ERICH6B: variants seen among roughly 807,000 people sequenced by gnomAD.
The protein encoded by ERICH6B is glutamate rich 6B.
In ERICH6B, 69 loss-of-function variants were observed where a neutral mutation model predicts 80.0. The ratio of observed to expected loss-of-function variants is 0.86; its 90% confidence interval spans 0.71 to 1.05. ERICH6B has a LOEUF of 1.05. ERICH6B is among the 50% of genes least tolerant of loss of function. The pLI is 0.00. For missense variants in ERICH6B, 754 were observed against 796.1 expected, an observed-to-expected ratio of 0.95 and a Z score of 0.64; for synonymous variants, 283 against 291.9, an observed-to-expected ratio of 0.97 and a Z score of 0.31.
At chr13:45,557,340 A>G (rs1440245771) in intron 11 of ERICH6B, among the ~76,000 whole-genome samples, 1 of 151,942 alleles carries the variant, frequency 6.6e-6, no homozygotes. Flanking sequence ...GTCCTTTGTC[A>G]GATGTATAGA....
rs1949922279 is a variant in ERICH6B, at chr13:45,615,375, C to T, written c.-111+310G>A. On this transcript the variant is annotated intron_variant, in intron 1 of 14. Coordinates refer to ENST00000298738, the MANE Select transcript of ERICH6B (RefSeq NM_182542.3). ...TCGCACTTCCCCCCAGAGCTAGGGG[C>T]TCTCTGGAGAGAAAGTGACCCCTTA... 2.0e-5 allele frequency among the ~76,000 whole-genome samples: 3 copies of T among 152,230 alleles called. No homozygotes were observed. The South Asian group carries it at 6.2e-4, about 32-fold the overall frequency.
At chr13:45,553,113 A>C (rs1247725606) in intron 11 of ERICH6B, 1 of 361,720 alleles carries the variant, frequency 2.8e-6, no homozygotes, top group East Asian at 8.5e-5. Context: ...TTATCTGATC[A>C]GATTCTGGTA....
intron 8 of ERICH6B, among the ~76,000 whole-genome samples, chr13:45,573,621 G>A (rs1378776940): frequency 1.3e-5 from 2 of 152,194 alleles, no homozygotes; most frequent in Admixed American, 6.5e-5. Flanking sequence ...TAGTAGCAAA[G>A]TCCTGGAATG....
chr13:45,582,586 A>G (rs1875719872), intron 5 of ERICH6B, among the ~76,000 whole-genome samples: 1 of 152,174 alleles, frequency 6.6e-6, no homozygotes, highest in Non-Finnish European at 1.5e-5. Flanking sequence ...ACAAATATAA[A>G]TATTCCTTCT....
chr13:45,586,191 C>T (rs148753624), intron 5 of ERICH6B, among the ~76,000 whole-genome samples: 326 of 152,210 alleles, frequency 2.1e-3, no homozygotes, highest in African/African-American at 7.2e-3. Context: ...CACATGCTGG[C>T]GGTGTGTGCC....
At chr13:45,555,038 T>A (rs536399230) in intron 11 of ERICH6B, among the ~76,000 whole-genome samples, 3 of 152,230 alleles carry the variant, frequency 2.0e-5, no homozygotes, top group Non-Finnish European at 2.9e-5. Flanking sequence ...TTGGTGAGAA[T>A]CTTCCTCTTG....
intron 2 of ERICH6B, among the ~76,000 whole-genome samples, chr13:45,604,784 G>A (rs989131042): frequency 3.3e-5 from 5 of 151,960 alleles, no homozygotes; most frequent in African/African-American, 1.2e-4. Context: ...AAATTAGCCG[G>A]GCATGGTGGT....
intron 2 of ERICH6B, among the ~76,000 whole-genome samples, chr13:45,599,744 T>C (rs1425967599): frequency 1.3e-5 from 2 of 152,192 alleles, no homozygotes; most frequent in Non-Finnish European, 2.9e-5. Flanking sequence ...GATTTGGTCT[T>C]GTCTACTGGG....
intron 1 of ERICH6B, among the ~76,000 whole-genome samples, chr13:45,610,375 C>G (rs1949892608): frequency 6.6e-6 from 1 of 152,166 alleles, no homozygotes; most frequent in Non-Finnish European, 1.5e-5. Context: ...GCCTAGCCAC[C>G]CCCAACCCTT....
chr13:45,551,962 A>G (rs189951833), intron 11 of ERICH6B, among the ~76,000 whole-genome samples: 2 of 152,332 alleles, frequency 1.3e-5, no homozygotes, highest in Admixed American at 1.3e-4. Context: ...CTGTTACAGC[A>G]GCACAAAACA....
intron 6 of ERICH6B, 123 bp downstream of exon 6, chr13:45,580,480 C>G: frequency 1.0e-6 from 1 of 968,774 alleles, no homozygotes; most frequent in South Asian, 1.5e-5. Flanking sequence ...TAAGCCTGCT[C>G]TGTTCTAAAA....
Position 45,579,923 on chromosome 13 carries a change from AG to A in ERICH6B, c.961+9del, listed in dbSNP as rs1292367231. 6 of 1,551,830 alleles carry A rather than the reference AG, an allele frequency of 3.9e-6. No homozygotes were observed. In the East Asian group the frequency reaches 1.5e-4, roughly 38 times the overall value. On this transcript the variant is annotated intron_variant, in intron 7 of 14. Coordinates refer to ENST00000298738, the MANE Select transcript of ERICH6B (RefSeq NM_182542.3). ...CAGGGATCTTTGGATGCATTATGTCAGATGCTCACCATTTTCTTCCTTTTTT... is the reference window on the plus strand; with the variant it reads ...CAGGGATCTTTGGATGCATTATGTCAATGCTCACCATTTTCTTCCTTTTTT...
At chr13:45,615,481 G>T (rs893160794) in intron 1 of ERICH6B, among the ~76,000 whole-genome samples, 1 of 152,204 alleles carries the variant, frequency 6.6e-6, no homozygotes, top group Non-Finnish European at 1.5e-5. Flanking sequence ...TGTCAGAAAG[G>T]CCAAGGGAAT....
intron 14 of ERICH6B, 91 bp downstream of exon 14, chr13:45,544,669 G>A: frequency 9.1e-7 from 1 of 1,096,914 alleles, no homozygotes; most frequent in Middle Eastern, 2.7e-4. Flanking sequence ...CAAGCCTGGA[G>A]GCCTGTGGCA....
intron 10 of ERICH6B, among the ~76,000 whole-genome samples, chr13:45,562,616 C>T (rs777963276): frequency 4.6e-5 from 7 of 152,030 alleles, no homozygotes; most frequent in South Asian, 2.1e-4. Context: ...GTTAGGAGAG[C>T]GCCGTGCATC....
At chr13:45,599,483 T>C (rs1272847149) in intron 2 of ERICH6B, among the ~76,000 whole-genome samples, 1 of 152,118 alleles carries the variant, frequency 6.6e-6, no homozygotes, top group Non-Finnish European at 1.5e-5. Context: ...CATCAGGCAG[T>C]AGCAAAACAG....
intron 1 of ERICH6B, among the ~76,000 whole-genome samples, chr13:45,614,004 A>G (rs1357431278): frequency 6.6e-6 from 1 of 152,160 alleles, no homozygotes; most frequent in Non-Finnish European, 1.5e-5. Flanking sequence ...CCCATCTCCA[A>G]CAGGAGAAAT....
Position 45,574,830 on chromosome 13 carries a change from T to TA in ERICH6B, c.1050+11dup, listed in dbSNP as rs1454172168. The TA allele has an allele frequency of 5.2e-6, 8 of 1,546,284 alleles. No homozygotes were observed. Among genetic ancestry groups the TA allele is most frequent in the Admixed American group, 2.0e-5 (1 of 50,968 alleles). ...AGCTGGGGGGGGGGTCTCAAGTTTT[T>TA]ATCCAACTTACGTTTTCATCTAAAT... On this transcript the variant is annotated intron_variant, in intron 8 of 14. Coordinates refer to ENST00000298738, the MANE Select transcript of ERICH6B (RefSeq NM_182542.3).
chr13:45,602,765 T>G (rs1207965968), intron 2 of ERICH6B, among the ~76,000 whole-genome samples: 5 of 152,194 alleles, frequency 3.3e-5, no homozygotes, highest in African/African-American at 1.2e-4. Context: ...TCTGGCTCCT[T>G]CTTCAAAGGA....
Sources: allele counts gnomAD v4.1 joint callset (sites outside exome capture counted in the v4.1 genomes callset), GRCh38; gene constraint gnomAD v4.1.1; transcripts MANE v1.5; gene names NCBI Gene and HGNC (gene_info 2026-07-23, HGNC 2026-07-21).